DCC: variants seen among roughly 807,000 people sequenced by gnomAD.
DCC encodes netrin receptor DCC.
In DCC, 58 loss-of-function variants were observed where a neutral mutation model predicts 172.5. That is an observed-to-expected ratio of 0.34 (90% confidence interval 0.27 to 0.42). The LOEUF is 0.42. Ranked by LOEUF, DCC falls within the 10% of genes least tolerant of loss-of-function variation. The pLI is 1.00. For synonymous variants in DCC, 709 were observed against 644.5 expected (o/e 1.10, Z -1.52); for missense variants, 1,740 against 1,791.0 (o/e 0.97, Z 0.51).
chr18:52,947,313 T>TAG (rs1192470597), intron 5 of DCC, among the ~76,000 whole-genome samples: 1 of 152,192 alleles, frequency 6.6e-6, no homozygotes, highest in Admixed American at 6.5e-5. Flanking sequence ...TTTTTTCTTA[T>TAG]ACAATGCAAA....
At chr18:53,176,494 C>A (rs1370090455) in intron 8 of DCC, among the ~76,000 whole-genome samples, 2 of 149,998 alleles carry the variant, frequency 1.3e-5, no homozygotes, top group Non-Finnish European at 3.0e-5. Flanking sequence ...AAAAAACAAA[C>A]AACCCCATCA....
At chr18:53,379,867 TA>T (rs1907583954) in intron 15 of DCC, among the ~76,000 whole-genome samples, 1 of 152,236 alleles carries the variant, frequency 6.6e-6, no homozygotes, top group Admixed American at 6.5e-5. Context: ...ATTCTTGATT[TA>T]AAAGAATTCC....
At chr18:53,246,682 C>A (rs186169460) in intron 12 of DCC, among the ~76,000 whole-genome samples, 2 of 152,076 alleles carry the variant, frequency 1.3e-5, no homozygotes, top group East Asian at 3.9e-4. Context: ...CCAAGTTGGT[C>A]AAGAACAGTT....
chr18:53,487,907 C>T (rs891259897), intron 26 of DCC, among the ~76,000 whole-genome samples: 1 of 152,048 alleles, frequency 6.6e-6, no homozygotes, highest in African/African-American at 2.4e-5. Flanking sequence ...TGTAGAAAGT[C>T]TAATAACCAA....
chr18:53,402,936 C>A, intron 19 of DCC, 43 bp downstream of exon 19: 2 of 1,396,866 alleles, frequency 1.4e-6, no homozygotes, highest in Non-Finnish European at 2.0e-6. Context: ...TCTCCCTTGT[C>A]CTATAATTGC....
In DCC at chr18:52,539,445, C is replaced by G. The variant is rs141178022; in HGVS notation, c.91+198567C>G. Among the ~76,000 whole-genome samples, 262 of 152,286 alleles carry G rather than the reference C, an allele frequency of 1.7e-3. 1 individual carries two copies. Among genetic ancestry groups the G allele is most frequent in the African/African-American group, 6.1e-3 (254 of 41,562 alleles). Reference sequence around the variant, plus strand: ...CACACAGCAGGAGGTGAGTGCAGGCCAGTGAGCATTACCACCTGAGCTCCG... The same window carrying G: ...CACACAGCAGGAGGTGAGTGCAGGCGAGTGAGCATTACCACCTGAGCTCCG... On this transcript the variant is annotated intron_variant, in intron 1 of 28. Transcript: ENST00000442544.
intron 3 of DCC, among the ~76,000 whole-genome samples, chr18:52,915,890 T>G (rs2040032197): frequency 6.6e-6 from 1 of 152,082 alleles, no homozygotes; most frequent in Non-Finnish European, 1.5e-5. Context: ...TATGAGACTG[T>G]GTCTGCATTT....
chr18:52,486,379 G>A (rs1313303088), intron 1 of DCC, among the ~76,000 whole-genome samples: 1 of 151,972 alleles, frequency 6.6e-6, no homozygotes, highest in Non-Finnish European at 1.5e-5. Context: ...TAGAGTTCAG[G>A]GATATAGATT....
At chr18:52,363,641 G>C (rs1984716950) in intron 1 of DCC, among the ~76,000 whole-genome samples, 6 of 152,110 alleles carry the variant, frequency 3.9e-5, no homozygotes. Flanking sequence ...AAGAGAACTA[G>C]GCTCTACTGG....
At chr18:53,383,391 G>C (rs956574992) in intron 15 of DCC, among the ~76,000 whole-genome samples, 29 of 151,466 alleles carry the variant, frequency 1.9e-4, no homozygotes, top group Admixed American at 5.9e-4. Context: ...ATGTATATTT[G>C]GTGAGTTTCC....
intron 15 of DCC, among the ~76,000 whole-genome samples, chr18:53,346,166 G>C (rs2144885596): frequency 1.3e-5 from 2 of 152,036 alleles, no homozygotes; most frequent in South Asian, 4.2e-4. Context: ...TCAAAATGTT[G>C]TTAACCTGTA....
intron 1 of DCC, among the ~76,000 whole-genome samples, chr18:52,720,945 A>C (rs964752067): frequency 6.6e-6 from 1 of 152,164 alleles, no homozygotes; most frequent in Admixed American, 6.5e-5. Context: ...CACCTTATAG[A>C]AGAATCACAT....
At chr18:52,341,989 C>A (rs887687580) in intron 1 of DCC, among the ~76,000 whole-genome samples, 1 of 152,168 alleles carries the variant, frequency 6.6e-6, no homozygotes, top group Admixed American at 6.5e-5. Context: ...GGGAAATTAA[C>A]AGGGAATGGC....
rs141045334 is a variant in DCC at position 52,715,953 on chromosome 18, C to T, written c.92-36101C>T. Among the ~76,000 whole-genome samples, 390 of 143,670 alleles carry T rather than the reference C, an allele frequency of 2.7e-3. 3 individuals carry two copies. Among genetic ancestry groups the T allele is most frequent in the African/African-American group, 9.0e-3 (370 of 40,962 alleles). 94.3% of individuals were successfully genotyped at this position (143,670 alleles called of 152,430 possible). A position where few individuals can be genotyped will look rare whatever the true frequency, so the allele number is the denominator to read the frequency against. ...CTCAGGTTAGGCCTGAGTTCACAGGCCCTAACCAGGTCTGTGATCTCAGCA... is the reference window on the plus strand; with the variant it reads ...CTCAGGTTAGGCCTGAGTTCACAGGTCCTAACCAGGTCTGTGATCTCAGCA... On this transcript the variant is annotated intron_variant, in intron 1 of 28. Coordinates refer to ENST00000442544, the MANE Select transcript of DCC (RefSeq NM_005215.4).
rs974605277 is a variant in DCC at position 53,450,589 on chromosome 18, G to A, written c.3319G>A (p.Gly1107Ser). The A allele has an allele frequency of 6.2e-6, 10 of 1,611,708 alleles. No individual in the cohort carries two copies. Among genetic ancestry groups the A allele is most frequent in the Non-Finnish European group, 7.6e-6 (9 of 1,179,182 alleles). The change falls in exon 23 of 29, where the codon GGT (glycine) becomes AGT (serine). Residue 1107 changes from glycine (G) to serine (S), a missense_variant. By Grantham distance (56) the Gly-to-Ser change is moderately conservative. Coordinates refer to ENST00000442544, the MANE Select transcript of DCC (RefSeq NM_005215.4). ...NLLVIIVVTV[G>S]VITVLVVVIV... ...GCTTGTGATCATTGTGGTCACCGTT[G>A]GTGTCATCACAGTGCTGGTAGTGGT...
At chr18:52,443,431 T>C (rs984418801) in intron 1 of DCC, among the ~76,000 whole-genome samples, 1 of 93,228 alleles carries the variant, frequency 1.1e-5, no homozygotes, top group Non-Finnish European at 2.1e-5. Context: ...TGAGCTAAAA[T>C]AGAGGAGAAA....
At chr18:52,439,089 G>A (rs567163545) in intron 1 of DCC, among the ~76,000 whole-genome samples, 11 of 151,748 alleles carry the variant, frequency 7.2e-5, no homozygotes, top group African/African-American at 2.7e-4. Context: ...ATTAATACAC[G>A]TTTTCCTCCA....
At chr18:53,290,390 T>C (rs2056987408) in intron 12 of DCC, among the ~76,000 whole-genome samples, 2 of 152,212 alleles carry the variant, frequency 1.3e-5, no homozygotes, top group South Asian at 4.1e-4. Flanking sequence ...CCAAAACAAT[T>C]AAAATATTTA....
chr18:53,218,405 G>A (rs1336452453), intron 12 of DCC, among the ~76,000 whole-genome samples: 1 of 152,098 alleles, frequency 6.6e-6, no homozygotes, highest in African/African-American at 2.4e-5. Flanking sequence ...CCGTAAGCCA[G>A]TTGGACCCAG....
Sources: gnomAD v4.1 joint callset for allele counts (sites outside exome capture counted in the v4.1 genomes callset) on GRCh38, gnomAD v4.1.1 for gene constraint, MANE v1.5 for transcripts, NCBI Gene and HGNC (gene_info 2026-07-23, HGNC 2026-07-21) for gene names.